EML1: variants seen among roughly 807,000 people sequenced by gnomAD.
EML1 encodes EMAP like 1, also known as echinoderm microtubule-associated protein-like 1.
Under a neutral mutation model 110.4 loss-of-function variants are expected in EML1, and 27 were observed. The observed-to-expected ratio is 0.24, with a 90% confidence interval of 0.18 to 0.34. The LOEUF is 0.34. Ranked by LOEUF, EML1 falls within the 10% of genes least tolerant of loss-of-function variation. The pLI, the probability that EML1 is intolerant of heterozygous loss-of-function variation, is 1.00. For missense variants in EML1, 741 were observed against 1,030.9 expected, an observed-to-expected ratio of 0.72 and a Z score of 3.85; for synonymous variants, 344 against 385.8, an observed-to-expected ratio of 0.89 and a Z score of 1.27.
intron 15 of EML1, chr14:99,915,412 CAAA>C (rs11316684): frequency 9.3e-5 from 8 of 86,016 alleles, no homozygotes; most frequent in African/African-American, 9.1e-5. Context: ...AATTCTGTCT[CAAA>C]AAAAAAAAAA....
At chr14:99,739,093 A>T (rs1951577) in intron 1 of EML1, among the ~76,000 whole-genome samples, 79,290 of 127,992 alleles carry the variant, frequency 0.62, 23,286 homozygotes, top group Middle Eastern at 0.76. Flanking sequence ...TGTGTGTGTG[A>T]GAGAGAGAGA....
intron 4 of EML1, among the ~76,000 whole-genome samples, chr14:99,884,439 G>T (rs2059440732): frequency 6.6e-6 from 1 of 152,238 alleles, no homozygotes; most frequent in Non-Finnish European, 1.5e-5. Context: ...GAGTGGGAAG[G>T]AGCAGCACAG....
chr14:99,758,547 C>T (rs917938435), intron 1 of EML1, among the ~76,000 whole-genome samples: 2 of 152,200 alleles, frequency 1.3e-5, no homozygotes, highest in Admixed American at 6.5e-5. Flanking sequence ...GGATCATTCT[C>T]TTCAAAGCAA....
chr14:99,764,436 A>G (rs1215441790), intron 1 of EML1, among the ~76,000 whole-genome samples: 1 of 152,218 alleles, frequency 6.6e-6, no homozygotes, highest in Admixed American at 6.5e-5. Context: ...GTCCTGGCCG[A>G]GGCAGAGCCC....
intron 1 of EML1, among the ~76,000 whole-genome samples, chr14:99,822,667 G>C (rs1399735956): frequency 2.0e-5 from 3 of 151,974 alleles, no homozygotes; most frequent in African/African-American, 7.3e-5. Context: ...CTTGGACTGG[G>C]ACTTGCAGAG....
chr14:99,846,563 A>G (rs2139818047), intron 1 of EML1, among the ~76,000 whole-genome samples: 1 of 152,222 alleles, frequency 6.6e-6, no homozygotes, highest in Middle Eastern at 3.4e-3. Flanking sequence ...GATTACAGGC[A>G]TGAGCCACCA....
intron 2 of EML1, among the ~76,000 whole-genome samples, chr14:99,857,231 A>G (rs149586885): frequency 6.6e-6 from 1 of 152,244 alleles, no homozygotes; most frequent in East Asian, 1.9e-4. Context: ...GAGGTCACAC[A>G]CTGCACTTCA....
chr14:99,814,637 A>G (rs369703054), intron 1 of EML1, among the ~76,000 whole-genome samples: 1 of 152,232 alleles, frequency 6.6e-6, no homozygotes. Flanking sequence ...TAGATTGCAT[A>G]ATGGATTGTG....
chr14:99,911,858 A>G (rs1466756421), intron 13 of EML1, among the ~76,000 whole-genome samples: 1 of 151,786 alleles, frequency 6.6e-6, no homozygotes, highest in Non-Finnish European at 1.5e-5. Flanking sequence ...TATTATAAAA[A>G]TCTGTCTTCT....
At chr14:99,924,670 G>A (rs756549654) in intron 17 of EML1, among the ~76,000 whole-genome samples, 3 of 152,064 alleles carry the variant, frequency 2.0e-5, no homozygotes, top group Admixed American at 6.5e-5. Flanking sequence ...ATTTTATTAA[G>A]TTTCTTCTGT....
chr14:99,925,251 C>T (rs1313542011), intron 17 of EML1, among the ~76,000 whole-genome samples: 1 of 151,142 alleles, frequency 6.6e-6, no homozygotes, highest in African/African-American at 2.4e-5. Context: ...TTACTTCTTA[C>T]AAGTCTATTC....
chr14:99,859,178 A>G (rs1188081369), intron 2 of EML1, among the ~76,000 whole-genome samples: 1 of 152,248 alleles, frequency 6.6e-6, no homozygotes, highest in Non-Finnish European at 1.5e-5. Flanking sequence ...TTTCAGGCTT[A>G]ATTATGAATG....
intron 3 of EML1, among the ~76,000 whole-genome samples, chr14:99,867,444 A>G (rs1391522968): frequency 6.6e-6 from 1 of 152,188 alleles, no homozygotes; most frequent in East Asian, 1.9e-4. Flanking sequence ...AGCAATATTA[A>G]GTCTTCCAAT....
chr14:99,893,285 G>T (rs755585837), intron 5 of EML1, among the ~76,000 whole-genome samples: 1 of 152,166 alleles, frequency 6.6e-6, no homozygotes, highest in Non-Finnish European at 1.5e-5. Flanking sequence ...GCCTTGGTGG[G>T]TTTGGCAGCA....
At chr14:99,830,821 G>A (rs1020879037) in intron 1 of EML1, among the ~76,000 whole-genome samples, 13 of 152,170 alleles carry the variant, frequency 8.5e-5, no homozygotes, top group Non-Finnish European at 1.8e-4. Flanking sequence ...AAAGTGCTGG[G>A]ATTACAGGTA....
At chr14:99,757,286 C>T (rs1417211259) in intron 1 of EML1, among the ~76,000 whole-genome samples, 3 of 150,146 alleles carry the variant, frequency 2.0e-5, no homozygotes, top group Admixed American at 6.7e-5. Flanking sequence ...TTGCAGTGAG[C>T]GAAGATCGCG....
At chr14:99,811,790 A>G (rs2058085138) in intron 1 of EML1, among the ~76,000 whole-genome samples, 1 of 150,412 alleles carries the variant, frequency 6.6e-6, no homozygotes, top group African/African-American at 2.4e-5. Flanking sequence ...AGACTAGGCA[A>G]CAGGAATGAG....
chr14:99,829,389 AC>A (rs1352505780), intron 1 of EML1, among the ~76,000 whole-genome samples: 2 of 152,242 alleles, frequency 1.3e-5, no homozygotes, highest in Non-Finnish European at 2.9e-5. Flanking sequence ...TTGAGTGAAC[AC>A]TTGAATGAAT....
chr14:99,813,000 C>G (rs978717453), intron 1 of EML1, among the ~76,000 whole-genome samples: 2 of 152,180 alleles, frequency 1.3e-5, no homozygotes, highest in African/African-American at 2.4e-5. Context: ...ACTGCGTAAC[C>G]TCCACATCCT....
Sources: allele counts gnomAD v4.1 joint callset (sites outside exome capture counted in the v4.1 genomes callset), GRCh38; gene constraint gnomAD v4.1.1; transcripts MANE v1.5; gene names NCBI Gene and HGNC (gene_info 2026-07-23, HGNC 2026-07-21).